Variants in NEBL observed in about 807,000 individuals in gnomAD.
The protein encoded by NEBL is nebulette, also known as LIM and SH3 protein 2.
NEBL carries 122 observed loss-of-function variants against 140.2 expected under a neutral mutation model. The ratio of observed to expected loss-of-function variants is 0.87; its 90% CI spans 0.75 to 1.01. NEBL has a LOEUF of 1.01. Ranked by LOEUF, NEBL falls within the 50% of genes least tolerant of loss-of-function variation. The probability of loss-of-function intolerance (pLI) is 0.00; values close to 1 mark genes in which losing one functional copy is unlikely to be tolerated. For synonymous variants in NEBL, 436 were observed against 398.9 expected (o/e 1.09, Z -1.11); for missense variants, 1,365 against 1,231.3 (o/e 1.11, Z -1.62).
rs532251310 is a variant in NEBL at position 20,831,601 on chromosome 10, T to C, written c.1450-18A>G. 2 of 1,481,062 alleles carry C rather than the reference T, an allele frequency of 1.4e-6. No individual in the cohort carries two copies. The highest frequency in any genetic ancestry group is 1.4e-5 in the African/African-American group (1 of 72,130). 91.7% of individuals were successfully genotyped at this position (1,481,062 alleles called of 1,614,324 possible). On this transcript the variant is annotated intron_variant, in intron 14 of 27. Coordinates refer to ENST00000377122, the MANE Select transcript of NEBL (RefSeq NM_006393.3). ...TAGTCTTTCTGCAGAAAATGAAACA[T>C]ACAGTTAGTGCTCTCCAATCATTTG...
At chr10:21,259,017 T>C (rs1002182776) in intron 1 of NEBL, among the ~76,000 whole-genome samples, 7 of 151,888 alleles carry the variant, frequency 4.6e-5, no homozygotes, top group Non-Finnish European at 8.8e-5. Context: ...AAGGCTGAGA[T>C]GATAAGTAGT....
At position 21,130,932 on chromosome 10, in the gene NEBL, A is replaced by G. The variant is rs561654771; in HGVS notation, c.164+41451T>C. Among the ~76,000 whole-genome samples, 24 of 152,126 alleles carry G rather than the reference A, an allele frequency of 1.6e-4. 1 individual carries two copies. The East Asian group carries it at 1.9e-3, about 12-fold the overall frequency. On this transcript the variant is annotated intron_variant, in intron 2 of 6. Coordinates refer to the NEBL transcript ENST00000417816. ...ATTGAAAAGCAGGGACTCCATACAG[A>G]AAAAAATGTCAATGAAACCAAAAAC... is the stretch of plus-strand genomic sequence containing the variant.
chr10:21,225,468 G>C (rs552496523), intron 3 of NEBL, among the ~76,000 whole-genome samples: 27 of 152,274 alleles, frequency 1.8e-4, no homozygotes, highest in South Asian at 4.1e-4. Context: ...TTCTTCTCTT[G>C]AGGGTGGCAA....
In NEBL at chr10:20,784,707, A is replaced by C. The variant is rs1462211734; in HGVS notation, c.*1040T>G. The stretch of plus-strand genomic sequence containing the variant: ...TTACATTTTCTTCACTTTGAAATCA[A>C]TGGTGGCATTAAGTTAATCAAAGCT... On this transcript the variant is annotated 3_prime_UTR_variant, in exon 28 of 28. Coordinates refer to ENST00000377122, the MANE Select transcript of NEBL (RefSeq NM_006393.3). The C allele has an allele frequency of 6.6e-6, 1 of 152,190 alleles. No individual in the cohort carries two copies. The highest frequency in any genetic ancestry group is 1.9e-4 in the East Asian group (1 of 5,196). 9.4% of individuals were successfully genotyped at this position (152,190 alleles called of 1,614,324 possible). A position where few individuals can be genotyped will look rare whatever the true frequency, so the allele number is the denominator to read the frequency against.
intron 3 of NEBL, among the ~76,000 whole-genome samples, chr10:21,209,617 T>C (rs916896716): frequency 6.6e-6 from 1 of 151,448 alleles, no homozygotes; most frequent in Non-Finnish European, 1.5e-5. Context: ...AGGAAGTTTC[T>C]CCTATCTCCT....
chr10:21,289,083 G>A (rs1156884910), intron 1 of NEBL, among the ~76,000 whole-genome samples: 1 of 151,360 alleles, frequency 6.6e-6, no homozygotes, highest in Non-Finnish European at 1.5e-5. Context: ...TCCTGATCTC[G>A]TGATCCACCC....
intron 1 of NEBL, among the ~76,000 whole-genome samples, chr10:21,259,820 C>T (rs1375082616): frequency 9.2e-5 from 14 of 152,216 alleles, no homozygotes; most frequent in Admixed American, 6.5e-4. Flanking sequence ...ATATTGCAAG[C>T]GTCTTCCTAG....
rs929504732 is a variant in NEBL at position 20,827,257 on chromosome 10, A to T, written c.1777-718T>A. Among the ~76,000 whole-genome samples, 3 of 152,158 alleles carry T rather than the reference A, an allele frequency of 2.0e-5. No homozygotes were observed. The South Asian group carries it at 6.2e-4, about 32-fold the overall frequency. Reference sequence around the variant, plus strand: ...CCAGTGGCCCCCGCGTGGGTGGGAGAGCACGGTAGGAGAGATGTTTTCCTC... The same window carrying T: ...CCAGTGGCCCCCGCGTGGGTGGGAGTGCACGGTAGGAGAGATGTTTTCCTC... On this transcript the variant is annotated intron_variant, in intron 17 of 27. Transcript: ENST00000377122.
intron 7 of NEBL, chr10:20,868,447 G>A: frequency 1.9e-6 from 1 of 532,364 alleles, no homozygotes; most frequent in Non-Finnish European, 3.4e-6. Flanking sequence ...TTTATGCCTG[G>A]AGAAAAGAAA....
At chr10:20,864,056 C>T (rs1844014064) in intron 7 of NEBL, among the ~76,000 whole-genome samples, 1 of 152,122 alleles carries the variant, frequency 6.6e-6, no homozygotes, top group African/African-American at 2.4e-5. Flanking sequence ...AGGTTTAAAA[C>T]CCATTCTTAT....
chr10:20,942,239 T>G (rs922046366), intron 4 of NEBL, among the ~76,000 whole-genome samples: 3 of 151,920 alleles, frequency 2.0e-5, no homozygotes, highest in Admixed American at 6.6e-5. Flanking sequence ...ACCAAAACAG[T>G]GATATAGACA....
intron 4 of NEBL, among the ~76,000 whole-genome samples, chr10:20,906,993 C>T (rs559595805): frequency 1.1e-4 from 16 of 152,244 alleles, no homozygotes; most frequent in Non-Finnish European, 1.8e-4. Context: ...TTCACAGTTA[C>T]AGCACAACTC....
rs542925369 is a variant in NEBL at position 21,065,953 on chromosome 10, T to C, written c.165-45752A>G. On this transcript the variant is annotated intron_variant, in intron 2 of 6. Transcript: ENST00000417816. Reference sequence around the variant, plus strand: ...GTCTTACCACCAGCAGCTGCACACCTCTCTTCAACCTGGTTACGTGTTAGC... The same window carrying C: ...GTCTTACCACCAGCAGCTGCACACCCCTCTTCAACCTGGTTACGTGTTAGC... Among the ~76,000 whole-genome samples, 7 of 152,326 alleles carry C rather than the reference T, an allele frequency of 4.6e-5. No individual in the cohort carries two copies. In the East Asian group the frequency reaches 1.3e-3, roughly 29 times the overall value.
intron 4 of NEBL, among the ~76,000 whole-genome samples, chr10:20,929,479 A>G (rs1008368607): frequency 6.6e-6 from 1 of 152,186 alleles, no homozygotes; most frequent in African/African-American, 2.4e-5. Flanking sequence ...ACCCCCTGAT[A>G]CAAACGTTCA....
intron 2 of NEBL, chr10:21,020,322 G>A: frequency 1.2e-6 from 1 of 832,500 alleles, no homozygotes; most frequent in Non-Finnish European, 2.0e-6. Context: ...AGAGGGACCT[G>A]AGCTTGGCTA....
intron 7 of NEBL, among the ~76,000 whole-genome samples, chr10:20,866,553 T>C (rs1844312187): frequency 6.6e-6 from 1 of 152,188 alleles, no homozygotes; most frequent in Admixed American, 6.5e-5. Flanking sequence ...CACAACTATA[T>C]CCTCTTGCCC....
At chr10:21,261,469 G>A (rs904270220) in intron 1 of NEBL, among the ~76,000 whole-genome samples, 1 of 151,954 alleles carries the variant, frequency 6.6e-6, no homozygotes, top group Non-Finnish European at 1.5e-5. Flanking sequence ...AGACCAACCT[G>A]GGCAACAAAG....
At chr10:21,276,599 A>T (rs1483375477) in intron 1 of NEBL, among the ~76,000 whole-genome samples, 1 of 152,098 alleles carries the variant, frequency 6.6e-6, no homozygotes, top group Non-Finnish European at 1.5e-5. Context: ...GCCGAGGTGG[A>T]TGGATCTCTT....
At chr10:21,248,507 T>G (rs190585452) in intron 2 of NEBL, among the ~76,000 whole-genome samples, 2 of 152,330 alleles carry the variant, frequency 1.3e-5, no homozygotes, top group South Asian at 4.1e-4. Context: ...ATTCTATTCC[T>G]TATTAGGACT....
Sources: allele counts gnomAD v4.1 joint callset (sites outside exome capture counted in the v4.1 genomes callset), GRCh38; gene constraint gnomAD v4.1.1; transcripts MANE v1.5; gene names NCBI Gene and HGNC (gene_info 2026-07-23, HGNC 2026-07-21).